CRY2: variants seen among roughly 807,000 people sequenced by gnomAD.
CRY2 encodes the protein cryptochrome circadian regulator 2, also known as cryptochrome-2.
In CRY2, 31 loss-of-function variants were observed where a neutral mutation model predicts 69.5. The observed-to-expected ratio is 0.45, with a 90% CI of 0.34 to 0.60. The LOEUF is 0.60. CRY2 is among the 20% of genes least tolerant of loss of function. The probability of loss-of-function intolerance (pLI) is 0.02; values close to 1 mark genes in which losing one functional copy is unlikely to be tolerated. For synonymous variants in CRY2, 303 were observed against 312.2 expected, an observed-to-expected ratio of 0.97 and a Z score of 0.31; for missense variants, 606 against 797.8, an observed-to-expected ratio of 0.76 and a Z score of 2.90.
In CRY2 at chr11:45,869,684, C is replaced by T. The variant is rs2086360156; in HGVS notation, c.1061C>T (p.Thr354Ile). Reference sequence around the variant, plus strand: ...CTGGCCAAGTGGGCTGAGGGCAAGACAGGCTTCCCTTGGATTGATGCCATC... The same window carrying T: ...CTGGCCAAGTGGGCTGAGGGCAAGATAGGCTTCCCTTGGATTGATGCCATC... ...EALAKWAEGKTGFPWIDAIMT... is the reference protein window; with the variant it reads ...EALAKWAEGKIGFPWIDAIMT... The change falls in exon 7 of 12, where the codon ACA (threonine) becomes ATA (isoleucine). Residue 354 changes from threonine (T) to isoleucine (I), a missense_variant. Physicochemically the swap from Thr to Ile is moderately conservative, Grantham distance 89. Transcript: ENST00000616080. The T allele has an allele frequency of 6.2e-7, 1 of 1,614,126 alleles. No individual in the cohort carries two copies. Among genetic ancestry groups the T allele is most frequent in the African/African-American group, 1.3e-5 (1 of 74,952 alleles).
At chr11:45,871,695 T>C (rs1316958329) in intron 10 of CRY2, among the ~76,000 whole-genome samples, 1 of 152,246 alleles carries the variant, frequency 6.6e-6, no homozygotes, top group Admixed American at 6.5e-5. Context: ...GTTTTTCTAG[T>C]TGGCCCAGCT....
At chr11:45,856,281 A>C in intron 2 of CRY2, 191 bp downstream of exon 2, 1 of 555,962 alleles carries the variant, frequency 1.8e-6, no homozygotes, top group Non-Finnish European at 3.2e-6. Context: ...TTAAGGAAAA[A>C]AATTCTGGGA....
At chr11:45,847,273 C>G (rs1397989378), upstream of CRY2, 8 of 1,551,582 alleles carry the variant, frequency 5.2e-6, no homozygotes, top group South Asian at 9.5e-5. Flanking sequence ...CCGGGCGGAC[C>G]CACACATGGT....
intron 1 of CRY2, among the ~76,000 whole-genome samples, chr11:45,852,477 G>A (rs1008187525): frequency 1.1e-4 from 17 of 152,354 alleles, no homozygotes; most frequent in African/African-American, 3.8e-4. Context: ...CACCTGGCAG[G>A]CCTCAAAGGT....
chr11:45,864,363 C>T (rs1056683057), intron 5 of CRY2, among the ~76,000 whole-genome samples: 1 of 152,156 alleles, frequency 6.6e-6, no homozygotes, highest in African/African-American at 2.4e-5. Flanking sequence ...TGACTCACAC[C>T]TGTAATCTTA....
At chr11:45,876,198 A>C (rs1046742230) in intron 11 of CRY2, among the ~76,000 whole-genome samples, 2 of 152,182 alleles carry the variant, frequency 1.3e-5, no homozygotes, top group South Asian at 4.1e-4. Flanking sequence ...TGAAGGCTAC[A>C]TCCTGGGCCT....
chr11:45,876,280 G>A (rs1424076723), intron 11 of CRY2, among the ~76,000 whole-genome samples: 1 of 152,214 alleles, frequency 6.6e-6, no homozygotes, highest in East Asian at 1.9e-4. Context: ...GCCTGTGGCA[G>A]TGTACAGGGT....
chr11:45,875,823 G>C (rs1428695833), intron 11 of CRY2, among the ~76,000 whole-genome samples: 1 of 152,218 alleles, frequency 6.6e-6, no homozygotes, highest in African/African-American at 2.4e-5. Context: ...ATCCTCAGCT[G>C]TAAAATGGTG....
upstream of CRY2, chr11:45,847,299 C>T: frequency 1.9e-6 from 3 of 1,565,096 alleles, no homozygotes; most frequent in Non-Finnish European, 2.6e-6. Flanking sequence ...CGTGAGGGGG[C>T]GGGCCTGTTC....
At chr11:45,847,247 C>T (rs2086155753), upstream of CRY2, 2 of 1,551,246 alleles carry the variant, frequency 1.3e-6, no homozygotes, top group African/African-American at 1.4e-5. Context: ...GTCACTTGTC[C>T]GCATGCCAGC....
chr11:45,868,935 G>A (rs1247542388), intron 6 of CRY2, among the ~76,000 whole-genome samples: 1 of 152,184 alleles, frequency 6.6e-6, no homozygotes, highest in East Asian at 1.9e-4. Flanking sequence ...GCTGTATCTA[G>A]GTTTTTAAAT....
chr11:45,847,951 C>T (rs1267421643), intron 1 of CRY2, among the ~76,000 whole-genome samples: 1 of 152,164 alleles, frequency 6.6e-6, no homozygotes, highest in East Asian at 1.9e-4. Flanking sequence ...GATCATGATC[C>T]CCGTTGTACA....
chr11:45,861,840 C>T, intron 4 of CRY2: 1 of 530,026 alleles, frequency 1.9e-6, no homozygotes, highest in East Asian at 3.4e-5. Context: ...TGTCATCTAC[C>T]TGGAGCGATG....
At chr11:45,859,614 C>G (rs1380688244) in intron 3 of CRY2, among the ~76,000 whole-genome samples, 4 of 151,764 alleles carry the variant, frequency 2.6e-5, no homozygotes, top group Non-Finnish European at 5.9e-5. Flanking sequence ...GGTTTCCAGG[C>G]CATGTTGCTT....
chr11:45,863,515 G>T (rs1272296793), intron 5 of CRY2, among the ~76,000 whole-genome samples: 1 of 151,758 alleles, frequency 6.6e-6, no homozygotes, highest in East Asian at 1.9e-4. Context: ...AGAACAAATG[G>T]TGCTAGAGAT....
At position 45,872,280 on chromosome 11, in the gene CRY2, T is replaced by TG. The variant is rs142171546; in HGVS notation, c.*2+54dup. ...TCAACCTCAGGAAGGAAGTTGGGAG[T>TG]GGGGGGGCCTACTGCCCTGCCAGCT... On this transcript the variant is annotated intron_variant, in intron 11 of 11. Coordinates refer to ENST00000616080, the MANE Select transcript of CRY2 (RefSeq NM_021117.5). 3.9e-4 allele frequency: 611 copies of TG among 1,571,866 alleles called. 1 individual carries two copies. In the African/African-American group the frequency reaches 6.7e-3, roughly 17 times the overall value.
At position 45,848,613 on chromosome 11, in the gene CRY2, G is replaced by A. The variant is rs1168605144; in HGVS notation, c.215+908G>A. Among the ~76,000 whole-genome samples, 7 of 152,156 alleles carry A rather than the reference G, an allele frequency of 4.6e-5. No homozygotes were observed. In the East Asian group the frequency reaches 9.6e-4, roughly 21 times the overall value. On this transcript the variant is annotated intron_variant, in intron 1 of 11. Transcript: ENST00000616080. ...GGAAAAAGATGAACAGGTCGTTAGTGTATTTTCACTGTAAACAGTATTCAA... is the reference window on the plus strand; with the variant it reads ...GGAAAAAGATGAACAGGTCGTTAGTATATTTTCACTGTAAACAGTATTCAA...
rs559514732 is a variant in CRY2 at position 45,878,191 on chromosome 11, C to A, written c.*3-2723C>A. 5.8e-4 allele frequency among the ~76,000 whole-genome samples: 89 copies of A among 152,306 alleles called. 1 individual carries two copies. The highest frequency in any genetic ancestry group is 2.1e-3 in the African/African-American group (86 of 41,560). ...CCATACCCAGAAAACTGCATATGTT[C>A]ACACACAGAGAGGAATGTGCACATC... On this transcript the variant is annotated intron_variant, in intron 11 of 11. Transcript: ENST00000616080.
intron 6 of CRY2, 90 bp from the exon 7 acceptor site, chr11:45,869,416 G>T: frequency 7.3e-7 from 1 of 1,378,342 alleles, no homozygotes. Context: ...GTCTTTGGAG[G>T]GCCCAGATTC....
Sources: gnomAD v4.1 joint callset for allele counts (sites outside exome capture counted in the v4.1 genomes callset) on GRCh38, gnomAD v4.1.1 for gene constraint, MANE v1.5 for transcripts, NCBI Gene and HGNC (gene_info 2026-07-23, HGNC 2026-07-21) for gene names.